CLOCK: variants seen among roughly 807,000 people sequenced by gnomAD.
CLOCK encodes circadian locomoter output cycles protein kaput.
In CLOCK, 43 loss-of-function variants were observed where a neutral mutation model predicts 118.4. The observed-to-expected ratio is 0.36, with a 90% CI of 0.28 to 0.47. CLOCK has a LOEUF of 0.47. Ranked by LOEUF, CLOCK falls within the 20% of genes least tolerant of loss-of-function variation. The pLI is 1.00. For synonymous variants in CLOCK, 326 were observed against 339.2 expected, an observed-to-expected ratio of 0.96 and a Z score of 0.43; for missense variants, 846 against 999.9, an observed-to-expected ratio of 0.85 and a Z score of 2.08.
At chr4:55,457,997 AT>A (rs1437111567) in intron 11 of CLOCK, among the ~76,000 whole-genome samples, 2 of 152,220 alleles carry the variant, frequency 1.3e-5, no homozygotes, top group Admixed American at 6.5e-5. Context: ...CTATTATTTC[AT>A]AAGATCAAAA....
intron 3 of CLOCK, among the ~76,000 whole-genome samples, chr4:55,483,925 T>A (rs1359882279): frequency 6.6e-6 from 1 of 152,188 alleles, no homozygotes; most frequent in Non-Finnish European, 1.5e-5. Flanking sequence ...GTATCCCTAA[T>A]CTGAAAACCT....
rs185355800 is a variant in CLOCK, at chr4:55,504,196, G to C, written c.-136+5716C>G. Among the ~76,000 whole-genome samples the C allele has an allele frequency of 4.0e-3, 566 of 142,018 alleles. 2 individuals carry two copies. Among genetic ancestry groups the C allele is most frequent in the African/African-American group, 0.014 (520 of 38,236 alleles). 93.2% of individuals were successfully genotyped at this position (142,018 alleles called of 152,430 possible). The stretch of plus-strand genomic sequence containing the variant: ...AACTATTCGGGACCCTGAGGCAGGA[G>C]AATCACGTGAACCCGAGAGGTGGAG... On this transcript the variant is annotated intron_variant, in intron 2 of 22. Coordinates refer to ENST00000513440, the MANE Select transcript of CLOCK (RefSeq NM_004898.4).
chr4:55,539,454 G>T (rs1731111767), intron 1 of CLOCK, among the ~76,000 whole-genome samples: 1 of 151,248 alleles, frequency 6.6e-6, no homozygotes, highest in South Asian at 2.1e-4. Context: ...TGTGCCTGTG[G>T]TTCCAGCTAC....
At chr4:55,540,477 G>A (rs1457572324) in intron 1 of CLOCK, 1 of 152,088 alleles carries the variant, frequency 6.6e-6, no homozygotes, top group African/African-American at 2.4e-5. Flanking sequence ...TTCTTAGCTA[G>A]GCATATGGTC....
At chr4:55,506,642 C>T (rs369310949) in intron 2 of CLOCK, among the ~76,000 whole-genome samples, 344 of 151,852 alleles carry the variant, frequency 2.3e-3, no homozygotes, top group South Asian at 1.0e-2. Flanking sequence ...CTCACTGCAA[C>T]CTCTGCCTTC....
At chr4:55,462,528 C>A (rs1725417780) in intron 9 of CLOCK, among the ~76,000 whole-genome samples, 1 of 152,216 alleles carries the variant, frequency 6.6e-6, no homozygotes, top group Admixed American at 6.5e-5. Flanking sequence ...GTCTGCCCAC[C>A]TCAGCCTCCC....
chr4:55,529,244 G>A (rs1047865431), intron 1 of CLOCK, among the ~76,000 whole-genome samples: 3 of 152,014 alleles, frequency 2.0e-5, no homozygotes, highest in South Asian at 2.1e-4. Context: ...CTACAGCCTC[G>A]AACTCCTGAG....
At chr4:55,506,500 T>TA (rs879680909) in intron 2 of CLOCK, among the ~76,000 whole-genome samples, 7 of 151,990 alleles carry the variant, frequency 4.6e-5, no homozygotes, top group East Asian at 3.8e-4. Context: ...AAGACTTAAA[T>TA]AAAAAAAATA....
intron 11 of CLOCK, 92 bp from the exon 12 acceptor site, chr4:55,456,392 G>A: frequency 5.9e-6 from 5 of 840,800 alleles, no homozygotes; most frequent in Non-Finnish European, 7.6e-6. Flanking sequence ...GCCAGGTGCA[G>A]TGGCTCACAC....
intron 1 of CLOCK, among the ~76,000 whole-genome samples, chr4:55,517,532 T>C (rs1016434492): frequency 6.6e-6 from 1 of 152,206 alleles, no homozygotes; most frequent in African/African-American, 2.4e-5. Flanking sequence ...ATTATTTTTA[T>C]ATTTTGCTGA....
intron 14 of CLOCK, 82 bp from the exon 15 acceptor site, chr4:55,453,211 TA>T: frequency 8.9e-7 from 1 of 1,123,240 alleles, no homozygotes; most frequent in Middle Eastern, 2.0e-4. Flanking sequence ...TCAGTGTTGT[TA>T]CGTGTCTCAT....
At chr4:55,503,657 ATTTT>A (rs145486119) in intron 2 of CLOCK, among the ~76,000 whole-genome samples, 2 of 151,936 alleles carry the variant, frequency 1.3e-5, no homozygotes, top group Admixed American at 6.6e-5. Context: ...TTTAAATTTA[ATTTT>A]TTTTGGTTAT....
chr4:55,461,580 C>A (rs562471924), intron 9 of CLOCK, among the ~76,000 whole-genome samples: 1 of 152,166 alleles, frequency 6.6e-6, no homozygotes, highest in Non-Finnish European at 1.5e-5. Flanking sequence ...TGAGGAGTAA[C>A]TCCATAAAGC....
intron 15 of CLOCK, among the ~76,000 whole-genome samples, chr4:55,450,520 C>G (rs1436130846): frequency 6.6e-6 from 1 of 152,164 alleles, no homozygotes; most frequent in East Asian, 1.9e-4. Context: ...GTAATCCCAG[C>G]ACTTTGGGAA....
intron 18 of CLOCK, among the ~76,000 whole-genome samples, chr4:55,445,471 G>A (rs1033652168): frequency 6.6e-6 from 1 of 152,006 alleles, no homozygotes; most frequent in African/African-American, 2.4e-5. Flanking sequence ...TGGCATGGGG[G>A]AAGAGGAGGT....
chr4:55,491,843 G>C (rs1357072748), intron 2 of CLOCK, among the ~76,000 whole-genome samples: 1 of 152,038 alleles, frequency 6.6e-6, no homozygotes, highest in Non-Finnish European at 1.5e-5. Flanking sequence ...TAATCAGTAA[G>C]TCAGAATGAT....
chr4:55,453,285 T>C (rs1724631029), intron 14 of CLOCK, 156 bp from the exon 15 acceptor site: 2 of 631,640 alleles, frequency 3.2e-6, no homozygotes, highest in Non-Finnish European at 5.6e-6. Context: ...AATGTCTTAA[T>C]TTAACTTGCA....
intron 1 of CLOCK, among the ~76,000 whole-genome samples, chr4:55,510,695 G>A (rs372522297): frequency 2.2e-4 from 33 of 149,284 alleles, no homozygotes; most frequent in African/African-American, 7.1e-4. Flanking sequence ...GAATGTGTAT[G>A]ATCTAGCCAA....
At chr4:55,505,791 A>G (rs1728758803) in intron 2 of CLOCK, among the ~76,000 whole-genome samples, 3 of 151,130 alleles carry the variant, frequency 2.0e-5, no homozygotes, top group South Asian at 2.1e-4. Flanking sequence ...GAATAGTTCA[A>G]AGAGCTTCTA....
Sources: allele counts gnomAD v4.1 joint callset (sites outside exome capture counted in the v4.1 genomes callset), GRCh38; gene constraint gnomAD v4.1.1; transcripts MANE v1.5; gene names NCBI Gene and HGNC (gene_info 2026-07-23, HGNC 2026-07-21).